Variants in CPXM2 observed in about 807,000 individuals in gnomAD.
CPXM2 encodes the protein carboxypeptidase X, M14 family member 2, also known as inactive carboxypeptidase-like protein X2.
Under a neutral mutation model 86.1 loss-of-function variants are expected in CPXM2, and 66 were observed. The ratio of observed to expected loss-of-function variants is 0.77; its 90% confidence interval spans 0.63 to 0.94. The LOEUF (loss-of-function observed/expected upper bound fraction) is 0.94, where lower values mean the gene tolerates loss of function less well. Ranked by LOEUF, CPXM2 falls within the 40% of genes least tolerant of loss-of-function variation. The pLI, the probability that CPXM2 is intolerant of heterozygous loss-of-function variation, is 0.00. For synonymous variants in CPXM2, 388 were observed against 400.2 expected (o/e 0.97, Z 0.36); for missense variants, 948 against 1,026.3 (o/e 0.92, Z 1.04).
At chr10:123,929,001 G>C (rs138846937) in intron 2 of CPXM2, among the ~76,000 whole-genome samples, 1 of 152,198 alleles carries the variant, frequency 6.6e-6, no homozygotes, top group South Asian at 2.1e-4. Context: ...GAGCAGGGGG[G>C]CACTCCTACA....
At chr10:123,926,589 C>T (rs1334001944) in intron 2 of CPXM2, among the ~76,000 whole-genome samples, 2 of 152,184 alleles carry the variant, frequency 1.3e-5, no homozygotes, top group South Asian at 2.1e-4. Flanking sequence ...TTAAGCTGAC[C>T]ACGCAAAACG....
chr10:123,838,077 T>C (rs1341528642), intron 4 of CPXM2, among the ~76,000 whole-genome samples: 3 of 152,204 alleles, frequency 2.0e-5, no homozygotes, highest in Non-Finnish European at 4.4e-5. Context: ...CTAGTGCTTA[T>C]TGTAGAGTGC....
At chr10:123,863,034 G>C (rs1848889842) in intron 2 of CPXM2, among the ~76,000 whole-genome samples, 1 of 152,168 alleles carries the variant, frequency 6.6e-6, no homozygotes, top group African/African-American at 2.4e-5. Flanking sequence ...TTGGAGCTCT[G>C]CAAATTAATC....
chr10:123,826,293 C>T (rs75902962), intron 4 of CPXM2, among the ~76,000 whole-genome samples: 6 of 152,232 alleles, frequency 3.9e-5, no homozygotes, highest in Non-Finnish European at 8.8e-5. Flanking sequence ...CTTCTGAGCA[C>T]GGAAGGTTAA....
chr10:123,862,834 A>G, intron 2 of CPXM2, 111 bp from the exon 3 acceptor site: 1 of 834,412 alleles, frequency 1.2e-6, no homozygotes, highest in Non-Finnish European at 2.0e-6. Flanking sequence ...ACTCCCACCC[A>G]CAGGCATGCC....
intron 4 of CPXM2, among the ~76,000 whole-genome samples, chr10:123,811,913 T>C (rs979038852): frequency 1.3e-5 from 2 of 152,198 alleles, no homozygotes; most frequent in Admixed American, 6.5e-5. Context: ...ACCTTTTACA[T>C]TGAAAAGTAA....
chr10:123,902,162 G>C (rs1320371275), intron 2 of CPXM2, among the ~76,000 whole-genome samples: 2 of 152,200 alleles, frequency 1.3e-5, no homozygotes, highest in African/African-American at 4.8e-5. Context: ...TTATATTTCA[G>C]TATATAAAGA....
chr10:123,868,137 C>T (rs1944827568), intron 2 of CPXM2, among the ~76,000 whole-genome samples: 1 of 152,158 alleles, frequency 6.6e-6, no homozygotes, highest in Non-Finnish European at 1.5e-5. Flanking sequence ...TCAGCCCCAC[C>T]CTGGGCTGGC....
chr10:123,836,119 C>T (rs187156949), intron 4 of CPXM2, among the ~76,000 whole-genome samples: 28 of 152,222 alleles, frequency 1.8e-4, no homozygotes, highest in Admixed American at 3.9e-4. Context: ...CCAGTGTACC[C>T]TGGAGATCCC....
At chr10:123,770,880 T>C (rs766775025) in intron 8 of CPXM2, 36 bp downstream of exon 8, 4 of 1,591,058 alleles carry the variant, frequency 2.5e-6, no homozygotes. Context: ...GTACCAAAGA[T>C]GAAGGGGCCA....
chr10:123,813,172 G>T lies in CPXM2; in HGVS notation c.654-13973C>A, dbSNP rs1255784794. Among the ~76,000 whole-genome samples the T allele has an allele frequency of 1.2e-4, 19 of 152,158 alleles. 1 individual carries two copies. The highest frequency in any genetic ancestry group is 1.2e-3 in the Admixed American group (19 of 15,262). On this transcript the variant is annotated intron_variant, in intron 4 of 13. Transcript: ENST00000241305. ...TAAAAAAAATAAGATCTTTGCTCTTGATTTCTTTAGGTATAATTTCTTCTT... is the reference window on the plus strand; with the variant it reads ...TAAAAAAAATAAGATCTTTGCTCTTTATTTCTTTAGGTATAATTTCTTCTT...
chr10:123,789,808 C>A (rs925265726), intron 6 of CPXM2, among the ~76,000 whole-genome samples: 1 of 152,118 alleles, frequency 6.6e-6, no homozygotes. Flanking sequence ...AAGCTAATTC[C>A]GATTGGCTAT....
chr10:123,777,207 A>G (rs1159455442), intron 7 of CPXM2: 1 of 152,358 alleles, frequency 6.6e-6, no homozygotes, highest in Non-Finnish European at 1.5e-5. Flanking sequence ...AATCAATGTC[A>G]TTAGATGGCT....
chr10:123,907,696 C>A (rs1001066465), intron 2 of CPXM2, among the ~76,000 whole-genome samples: 29 of 151,070 alleles, frequency 1.9e-4, no homozygotes, highest in African/African-American at 5.8e-4. Context: ...CCCCCCCTCC[C>A]ACAAGTTCAT....
At chr10:123,760,804 A>C (rs1369646880) in intron 11 of CPXM2, among the ~76,000 whole-genome samples, 1 of 152,104 alleles carries the variant, frequency 6.6e-6, no homozygotes, top group Non-Finnish European at 1.5e-5. Flanking sequence ...CCTCCTCTTC[A>C]TCATCATGCC....
chr10:123,798,971 GTC>G, intron 5 of CPXM2, 142 bp downstream of exon 5: 1 of 875,016 alleles, frequency 1.1e-6, no homozygotes. Flanking sequence ...CAGGGAAAGG[GTC>G]TCTGTCCATC....
chr10:123,843,358 CA>C, intron 3 of CPXM2: 2 of 432,568 alleles, frequency 4.6e-6, no homozygotes, highest in Non-Finnish European at 4.6e-6. Flanking sequence ...CCTCGCCTCC[CA>C]AAAAGGACAT....
chr10:123,799,333 C>T, intron 4 of CPXM2, 134 bp from the exon 5 acceptor site: 1 of 945,234 alleles, frequency 1.1e-6, no homozygotes. Flanking sequence ...AGGACATTTA[C>T]AGCTCTGTGA....
At chr10:123,748,227 T>C (rs1327093055) in intron 13 of CPXM2, among the ~76,000 whole-genome samples, 1 of 152,146 alleles carries the variant, frequency 6.6e-6, no homozygotes, top group Admixed American at 6.5e-5. Flanking sequence ...ATCAGCAGTC[T>C]TTCGCTTGTG....
Sources: allele counts gnomAD v4.1 joint callset (sites outside exome capture counted in the v4.1 genomes callset), GRCh38; gene constraint gnomAD v4.1.1; transcripts MANE v1.5; gene names NCBI Gene and HGNC (gene_info 2026-07-23, HGNC 2026-07-21).